The following ZNF623 variants were observed in gnomAD, a reference collection of about 807,000 sequenced individuals.
The protein encoded by ZNF623 is zinc finger protein 623.
ZNF623 carries 16 observed loss-of-function variants against 24.0 expected under a neutral mutation model. The ratio of observed to expected loss-of-function variants is 0.67; its 90% CI spans 0.45 to 1.01. ZNF623 has a LOEUF of 1.01. ZNF623 is among the 50% of genes least tolerant of loss of function. The pLI, the probability that ZNF623 is intolerant of heterozygous loss-of-function variation, is 0.00. For synonymous variants in ZNF623, 224 were observed against 219.8 expected (o/e 1.02, Z -0.17); for missense variants, 566 against 606.5 (o/e 0.93, Z 0.70).
rs1301560273 is a variant in ZNF623, at chr8:143,652,765, G to A, written c.*1282G>A. The A allele has an allele frequency of 6.0e-6, 1 of 167,102 alleles. No homozygotes were observed. The highest frequency in any genetic ancestry group is 2.4e-5 in the African/African-American group (1 of 41,454). 10.4% of individuals were successfully genotyped at this position (167,102 alleles called of 1,614,324 possible). A position where few individuals can be genotyped will look rare whatever the true frequency, so the allele number is the denominator to read the frequency against. ...TCTCAATGCGCTACGTAACTCTTCTGTTGTAGCAGTTCTGAGGTTGAACTG... is the reference window on the plus strand; with the variant it reads ...TCTCAATGCGCTACGTAACTCTTCTATTGTAGCAGTTCTGAGGTTGAACTG... On this transcript the variant is annotated 3_prime_UTR_variant, in exon 2 of 2. Transcript: ENST00000526926.
At chr8:143,647,939 G>C (rs1815210962) in intron 1 of ZNF623, among the ~76,000 whole-genome samples, 1 of 152,198 alleles carries the variant, frequency 6.6e-6, no homozygotes. Context: ...GAGGATTCAA[G>C]GGTTATTGCA....
intron 1 of ZNF623, among the ~76,000 whole-genome samples, chr8:143,646,571 A>ATGTGTG (rs1815182014): frequency 1.8e-5 from 2 of 111,610 alleles, no homozygotes; most frequent in East Asian, 4.1e-4. Context: ...GTGTGTGTGC[A>ATGTGTG]TGCATGTATA....
chr8:143,638,366 AAGTT>A (rs1814972028), intron 1 of ZNF623, among the ~76,000 whole-genome samples: 1 of 151,516 alleles, frequency 6.6e-6, no homozygotes, highest in African/African-American at 2.4e-5. Context: ...ACTTTCTCAA[AAGTT>A]AAAAAAATTA....
chr8:143,644,529 C>T (rs1815127268), intron 1 of ZNF623, among the ~76,000 whole-genome samples: 1 of 152,130 alleles, frequency 6.6e-6, no homozygotes, highest in Admixed American at 6.6e-5. Flanking sequence ...GCGAGACAGT[C>T]AGCCTTCTCA....
chr8:143,653,116 A>T lies in ZNF623; in HGVS notation c.*1633A>T, dbSNP rs1318700292. 5 of 167,146 alleles carry T rather than the reference A, an allele frequency of 3.0e-5. No homozygotes were observed. The highest frequency in any genetic ancestry group is 1.2e-4 in the African/African-American group (5 of 41,458). The allele number at this position is 167,146 out of a possible 1,614,324, so 10.4% of individuals were successfully genotyped here. ...GTCCAGGAGAGGAATCTGCAGAAAC[A>T]TGGAGCCATGACAGATGGCTTTTTG... On this transcript the variant is annotated 3_prime_UTR_variant, in exon 2 of 2. Transcript: ENST00000526926.
chr8:143,650,066 G>A lies in ZNF623; in HGVS notation c.74G>A (p.Gly25Asp). 1 of 1,614,126 alleles carries A rather than the reference G, an allele frequency of 6.2e-7. No homozygotes were observed. Among genetic ancestry groups the A allele is most frequent in the Non-Finnish European group, 8.5e-7 (1 of 1,180,010 alleles). ...RLGELLGNPE[G>D]QSLGSSPSQD... ...GGGGAGCTCTTGGGAAATCCAGAAG[G>A]TCAGAGCCTGGGGAGTTCCCCCTCT... Residue 25 changes from glycine (G) to aspartate (D), a missense_variant, in exon 2 of 2, where the codon GGT becomes GAT. By Grantham distance (94) the Gly-to-Asp change is moderately conservative. This residue lies in a region of ZNF623 where 313 missense variants were observed against 300.4 expected (regional missense o/e 1.04). Transcript: ENST00000526926. The surrounding 1 kb of genome is among the most constrained non-coding windows in gnomAD (Gnocchi z 5.2).
chr8:143,647,915 G>A (rs1320768084), intron 1 of ZNF623, among the ~76,000 whole-genome samples: 44 of 152,190 alleles, frequency 2.9e-4, no homozygotes. Context: ...GATGTGGAGT[G>A]TGAACAAAGG....
intron 1 of ZNF623, among the ~76,000 whole-genome samples, chr8:143,642,900 G>A (rs1815089263): frequency 6.6e-6 from 1 of 152,120 alleles, no homozygotes; most frequent in Non-Finnish European, 1.5e-5. Flanking sequence ...GGCCCCTAAT[G>A]TACACACCCC....
intron 1 of ZNF623, among the ~76,000 whole-genome samples, chr8:143,645,444 A>AT (rs1491566268): frequency 2.1e-5 from 3 of 141,942 alleles, no homozygotes; most frequent in African/African-American, 7.4e-5. Flanking sequence ...AAAAAAAAAA[A>AT]AGACAAATCC....
rs1461454432 is a variant in ZNF623 at position 143,651,348 on chromosome 8, T to C, written c.1356T>C (p.Tyr452=). 6.2e-7 allele frequency: 1 copy of C among 1,614,196 alleles called. No individual in the cohort carries two copies. Among genetic ancestry groups the C allele is most frequent in the South Asian group, 1.1e-5 (1 of 91,082 alleles). The change falls in exon 2 of 2, where the codon TAT becomes TAC. Residue 452 remains tyrosine, a synonymous_variant. Transcript: ENST00000526926. The part of the protein sequence containing the change: ...TEEKLYECSQ[Y]GRDFNSTTNV... ...AGAAGCTCTATGAATGTAGTCAGTA[T>C]GGGAGAGATTTTAACTCAACTACAA...
chr8:143,649,432 C>T (rs757941627), intron 1 of ZNF623, among the ~76,000 whole-genome samples: 25 of 152,054 alleles, frequency 1.6e-4, no homozygotes, highest in African/African-American at 5.1e-4. Flanking sequence ...GAGGGTGATT[C>T]TCATGCAACT....
intron 1 of ZNF623, among the ~76,000 whole-genome samples, chr8:143,636,939 T>C (rs1274349232): frequency 2.0e-5 from 3 of 152,122 alleles, no homozygotes; most frequent in Non-Finnish European, 4.4e-5. Flanking sequence ...CTCAGACTCA[T>C]AGGTAGTTGG....
At chr8:143,638,288 T>G (rs1456553419) in intron 1 of ZNF623, among the ~76,000 whole-genome samples, 1 of 137,838 alleles carries the variant, frequency 7.3e-6, no homozygotes, top group Non-Finnish European at 1.5e-5. Context: ...TTGCAGTGAG[T>G]GGAGACCATG....
rs185498448 is a variant in ZNF623 at position 143,652,810 on chromosome 8, G to A, written c.*1327G>A. ...GAACTGAGCTCTTGTCATTTTCCAT[G>A]CTCTCTGGCTCATTGTGTCATTTCA... is the stretch of plus-strand genomic sequence containing the variant. On this transcript the variant is annotated 3_prime_UTR_variant, in exon 2 of 2. Coordinates refer to ENST00000526926, the MANE Select transcript of ZNF623 (RefSeq NM_001261843.2). The A allele has an allele frequency of 6.0e-6, 1 of 167,214 alleles. No individual in the cohort carries two copies. Among genetic ancestry groups the A allele is most frequent in the East Asian group, 1.9e-4 (1 of 5,194 alleles). 10.4% of individuals were successfully genotyped at this position (167,214 alleles called of 1,614,324 possible).
intron 1 of ZNF623, among the ~76,000 whole-genome samples, chr8:143,637,769 T>G (rs570493944): frequency 3.3e-5 from 5 of 152,044 alleles, no homozygotes; most frequent in Admixed American, 6.6e-5. Flanking sequence ...AGGCTGGTCT[T>G]GAACTCCTGA....
chr8:143,650,509 G>T lies in ZNF623; in HGVS notation c.517G>T (p.Gly173Trp), dbSNP rs752533545. The T allele has an allele frequency of 3.1e-6, 5 of 1,614,178 alleles. No individual in the cohort carries two copies. The South Asian group carries it at 4.4e-5, about 14-fold the overall frequency. ...GEKPFKCAQC[G>W]KAFCHSSDLI... Reference sequence around the variant, plus strand: ...AAAGCCCTTCAAATGTGCGCAGTGTGGGAAGGCGTTTTGTCACAGTTCAGA... The same window carrying T: ...AAAGCCCTTCAAATGTGCGCAGTGTTGGAAGGCGTTTTGTCACAGTTCAGA... Residue 173 changes from glycine to tryptophan, a missense_variant, in exon 2 of 2, where the codon GGG (glycine) becomes TGG (tryptophan). By Grantham distance (184) the Gly-to-Trp change is radical (BLOSUM62 -2). Transcript: ENST00000526926. This position sits in a 1 kb window ranked among gnomAD's most constrained non-coding sequence, Gnocchi z 5.2.
At position 143,649,908 on chromosome 8, in the gene ZNF623, A is replaced by AGGAACT; in HGVS notation, c.-82_-77dup. 1 of 1,608,408 alleles carries AGGAACT rather than the reference A, an allele frequency of 6.2e-7. No homozygotes were observed. Among genetic ancestry groups the AGGAACT allele is most frequent in the Non-Finnish European group, 8.5e-7 (1 of 1,176,034 alleles). ...TGTCTTTTGTTTCAGATTCTAATGT[A>AGGAACT]GGAACTGGTGAGAAGAAGGTGACTG... On this transcript the variant is annotated 5_prime_UTR_variant, in exon 2 of 2. Coordinates refer to ENST00000526926, the MANE Select transcript of ZNF623 (RefSeq NM_001261843.2).
rs150728159 is a variant in ZNF623, at chr8:143,645,720, G to T, written c.-95-4178G>T. Among the ~76,000 whole-genome samples the T allele has an allele frequency of 5.2e-3, 798 of 152,256 alleles. 5 individuals carry two copies. The highest frequency in any genetic ancestry group is 7.1e-3 in the Non-Finnish European group (486 of 68,030). On this transcript the variant is annotated intron_variant, in intron 1 of 1. Coordinates refer to ENST00000526926, the MANE Select transcript of ZNF623 (RefSeq NM_001261843.2). ...AAAGATGTGTCCATTAGGTGAATTG[G>T]GGTGTCTCCTTGGTCCCAGCATGAG...
chr8:143,652,342 G>C lies in ZNF623; in HGVS notation c.*859G>C, dbSNP rs983012098. 3.0e-5 allele frequency: 5 copies of C among 167,100 alleles called. No individual in the cohort carries two copies. Among genetic ancestry groups the C allele is most frequent in the Non-Finnish European group, 7.3e-5 (5 of 68,136 alleles). 10.4% of individuals were successfully genotyped at this position (167,100 alleles called of 1,614,324 possible). A position where few individuals can be genotyped will look rare whatever the true frequency, so the allele number is the denominator to read the frequency against. On this transcript the variant is annotated 3_prime_UTR_variant, in exon 2 of 2. Coordinates refer to ENST00000526926, the MANE Select transcript of ZNF623 (RefSeq NM_001261843.2). ...TCTGATTGATTTCCATGTGTCCACT[G>C]TCTAGCACAGGGCAATAAAAAATAC...
Sources: allele counts gnomAD v4.1 joint callset (sites outside exome capture counted in the v4.1 genomes callset), GRCh38; gene constraint gnomAD v4.1.1; regional missense constraint gnomAD v4.1.1; non-coding constraint Gnocchi (gnomAD v3.1); transcripts MANE v1.5; gene names NCBI Gene and HGNC (gene_info 2026-07-23, HGNC 2026-07-21).